Variants in COL24A1 observed in about 807,000 individuals in gnomAD.
COL24A1 encodes the protein collagen alpha-1(XXIV) chain.
A neutral mutation model predicts 253.9 loss-of-function variants in COL24A1; 224 were observed. That is an observed-to-expected ratio of 0.88 (90% CI 0.79 to 0.99). COL24A1 has a LOEUF of 0.99. Among genes scored for constraint, COL24A1 ranks in the 50% least tolerant of loss-of-function variants. The probability of loss-of-function intolerance (pLI) is 0.00; values close to 1 mark genes in which losing one functional copy is unlikely to be tolerated. For synonymous variants in COL24A1, 685 were observed against 673.7 expected, an observed-to-expected ratio of 1.02 and a Z score of -0.26; for missense variants, 2,131 against 2,068.5, an observed-to-expected ratio of 1.03 and a Z score of -0.59.
chr1:85,797,875 C>A lies in COL24A1; in HGVS notation c.3952-11414G>T, dbSNP rs72950659. 9.5e-3 allele frequency among the ~76,000 whole-genome samples: 1,444 copies of A among 152,114 alleles called. 24 individuals carry two copies. The highest frequency in any genetic ancestry group is 0.033 in the African/African-American group (1,372 of 41,492). ...TCTGGAAATGTCAACAGAGGCTAGA[C>A]CACGAAGAAACATCATTCCATAAAA... On this transcript the variant is annotated intron_variant, in intron 47 of 59. Coordinates refer to ENST00000370571, the MANE Select transcript of COL24A1 (RefSeq NM_152890.7).
intron 58 of COL24A1, among the ~76,000 whole-genome samples, chr1:85,735,527 G>C (rs925813197): frequency 1.3e-4 from 20 of 151,968 alleles, no homozygotes; most frequent in African/African-American, 4.6e-4. Flanking sequence ...AGCCTTAACG[G>C]ACTAGGACAG....
chr1:86,084,784 AC>A (rs1702936201), intron 7 of COL24A1, among the ~76,000 whole-genome samples: 1 of 152,214 alleles, frequency 6.6e-6, no homozygotes, highest in Admixed American at 6.5e-5. Context: ...CACTTTGGCA[AC>A]CACTGGCTTG....
chr1:85,841,173 A>T, intron 42 of COL24A1, 49 bp downstream of exon 42: 1 of 1,273,704 alleles, frequency 7.9e-7, no homozygotes, highest in Non-Finnish European at 1.1e-6. Context: ...TCTATTATAT[A>T]ATTGTGTTTT....
chr1:85,943,982 G>A (rs1173867315), intron 24 of COL24A1, among the ~76,000 whole-genome samples: 1 of 152,226 alleles, frequency 6.6e-6, no homozygotes, highest in African/African-American at 2.4e-5. Context: ...GACAGTGTGT[G>A]CAGGCACTGT....
At chr1:85,734,691 GGTTTTATCAATTTTAA>G in intron 59 of COL24A1, 42 bp downstream of exon 59, 1 of 1,432,576 alleles carries the variant, frequency 7.0e-7, no homozygotes, top group African/African-American at 1.4e-5. Context: ...CTAATTTTAT[GGTTTTATCAATTTTAA>G]GTTAGTTATA....
intron 24 of COL24A1, among the ~76,000 whole-genome samples, chr1:85,960,283 G>A (rs1008270831): frequency 8.6e-5 from 13 of 152,012 alleles, no homozygotes; most frequent in South Asian, 2.1e-4. Flanking sequence ...CTCTGTAAAC[G>A]AATTCACTTT....
At chr1:85,877,706 T>A (rs1681344879) in intron 32 of COL24A1, among the ~76,000 whole-genome samples, 2 of 152,236 alleles carry the variant, frequency 1.3e-5, no homozygotes, top group Non-Finnish European at 2.9e-5. Context: ...ATGCTTATAT[T>A]AAAAAGAAAA....
chr1:86,069,467 G>A (rs1206231479), intron 7 of COL24A1, among the ~76,000 whole-genome samples: 4 of 152,154 alleles, frequency 2.6e-5, no homozygotes, highest in Admixed American at 6.5e-5. Flanking sequence ...AGTTGCTAAT[G>A]TCTTTGACTT....
intron 6 of COL24A1, among the ~76,000 whole-genome samples, chr1:86,089,675 C>T (rs994117885): frequency 3.6e-4 from 54 of 152,060 alleles, no homozygotes; most frequent in African/African-American, 1.2e-3. Flanking sequence ...AAAAAACTAG[C>T]CGGGCATGGT....
chr1:85,739,160 T>C (rs1664353295), intron 57 of COL24A1, among the ~76,000 whole-genome samples: 1 of 152,212 alleles, frequency 6.6e-6, no homozygotes, highest in South Asian at 2.1e-4. Flanking sequence ...TGATGAGGGC[T>C]TCCAGTCTTA....
At chr1:85,961,751 A>G (rs945590179) in intron 23 of COL24A1, among the ~76,000 whole-genome samples, 9 of 152,314 alleles carry the variant, frequency 5.9e-5, no homozygotes, top group African/African-American at 2.2e-4. Context: ...GTAAAGGGGA[A>G]GCAAGCACAA....
chr1:86,041,655 C>T (rs906997744), intron 12 of COL24A1, among the ~76,000 whole-genome samples: 1 of 152,064 alleles, frequency 6.6e-6, no homozygotes, highest in African/African-American at 2.4e-5. Context: ...CCTGCCTCCC[C>T]TATTTTTTTT....
chr1:86,110,347 CTA>C (rs113806523), intron 5 of COL24A1, among the ~76,000 whole-genome samples: 22,114 of 151,676 alleles, frequency 0.15, 1,724 homozygotes, highest in South Asian at 0.24. Context: ...ATACGTTTTC[CTA>C]TGTTCTTACT....
At chr1:85,855,127 C>G (rs1678275252) in intron 37 of COL24A1, among the ~76,000 whole-genome samples, 1 of 151,956 alleles carries the variant, frequency 6.6e-6, no homozygotes, top group South Asian at 2.1e-4. Flanking sequence ...GATCTAGGAG[C>G]CTTTGAACAG....
chr1:86,024,283 T>G (rs1203196795), intron 14 of COL24A1, among the ~76,000 whole-genome samples: 1 of 152,148 alleles, frequency 6.6e-6, no homozygotes, highest in Non-Finnish European at 1.5e-5. Flanking sequence ...TTTTTTTTCC[T>G]GCCTTCCTAG....
At chr1:85,741,727 A>G (rs1443339423) in intron 57 of COL24A1, among the ~76,000 whole-genome samples, 1 of 152,166 alleles carries the variant, frequency 6.6e-6, no homozygotes, top group Non-Finnish European at 1.5e-5. Context: ...TATTTATTTT[A>G]TGCTTTTAAC....
chr1:85,775,851 A>C, intron 52 of COL24A1, 142 bp from the exon 53 acceptor site: 1 of 634,190 alleles, frequency 1.6e-6, no homozygotes, highest in East Asian at 2.8e-5. Context: ...AAATTGTATA[A>C]GTTCTAGTGT....
intron 24 of COL24A1, among the ~76,000 whole-genome samples, chr1:85,933,620 CTTA>C (rs1003541617): frequency 6.6e-6 from 1 of 152,168 alleles, no homozygotes; most frequent in Non-Finnish European, 1.5e-5. Flanking sequence ...GGTGCTGTGA[CTTA>C]TTCTCATTTT....
rs937849149 is a variant in COL24A1, at chr1:85,970,210, A to G, written c.2463+17T>C. ...TCAAGAAAAGCACTTATGGAAAATT[A>G]TTTATATGATACCTACTCTTGGCCC... On this transcript the variant is annotated intron_variant, in intron 22 of 59. Transcript: ENST00000370571. The G allele has an allele frequency of 6.4e-6, 10 of 1,565,674 alleles. No homozygotes were observed. In the African/African-American group the frequency reaches 9.6e-5, roughly 15 times the overall value.
Sources: allele counts gnomAD v4.1 joint callset (sites outside exome capture counted in the v4.1 genomes callset), GRCh38; gene constraint gnomAD v4.1.1; transcripts MANE v1.5; gene names NCBI Gene and HGNC (gene_info 2026-07-23, HGNC 2026-07-21).